Variants in PTK2B observed in about 807,000 individuals in gnomAD.
The protein encoded by PTK2B is protein tyrosine kinase 2 beta.
A neutral mutation model predicts 142.9 loss-of-function variants in PTK2B; 71 were observed. That is an observed-to-expected ratio of 0.50 (90% confidence interval 0.41 to 0.61). The LOEUF (loss-of-function observed/expected upper bound fraction) is 0.61. PTK2B is among the 20% of genes least tolerant of loss of function. The probability of loss-of-function intolerance (pLI) is 0.00; values close to 1 mark genes in which losing one functional copy is unlikely to be tolerated. For missense variants in PTK2B, 1,105 were observed against 1,320.4 expected, an observed-to-expected ratio of 0.84 and a Z score of 2.53; for synonymous variants, 519 against 503.4, an observed-to-expected ratio of 1.03 and a Z score of -0.42.
intron 1 of PTK2B, among the ~76,000 whole-genome samples, chr8:27,377,686 A>G (rs1586191478): frequency 2.6e-5 from 4 of 152,330 alleles, no homozygotes; most frequent in Admixed American, 2.6e-4. Flanking sequence ...TCTCTGTCAC[A>G]TGCACTGCCT....
chr8:27,327,245 T>C (rs1378611357), intron 1 of PTK2B, among the ~76,000 whole-genome samples: 1 of 152,052 alleles, frequency 6.6e-6, no homozygotes, highest in African/African-American at 2.4e-5. Context: ...TGGAGACTGC[T>C]CTAGAAGGCT....
chr8:27,361,136 C>T (rs1170458748), intron 1 of PTK2B, among the ~76,000 whole-genome samples: 1 of 152,158 alleles, frequency 6.6e-6, no homozygotes, highest in African/African-American at 2.4e-5. Context: ...TCCTGAGTCT[C>T]CAATGTCTAT....
upstream of PTK2B, chr8:27,311,281 C>T: frequency 1.4e-6 from 2 of 1,452,394 alleles, no homozygotes; most frequent in Non-Finnish European, 1.8e-6. Context: ...GCTCCGGCCC[C>T]TCCCACCCGC....
chr8:27,404,167 C>T (rs1374526627), intron 2 of PTK2B, among the ~76,000 whole-genome samples: 1 of 152,152 alleles, frequency 6.6e-6, no homozygotes, highest in Admixed American at 6.5e-5. Context: ...GCCCTGCTCT[C>T]TCCTCTCCCT....
intron 4 of PTK2B, among the ~76,000 whole-genome samples, chr8:27,421,703 T>A (rs1415453743): frequency 6.6e-6 from 1 of 152,244 alleles, no homozygotes; most frequent in East Asian, 1.9e-4. Context: ...TATTTCAAGC[T>A]ACTAATAGGA....
rs550128951 is a variant in PTK2B at position 27,436,395 on chromosome 8, G to A, written c.1341+47G>A. 1.7e-5 allele frequency: 27 copies of A among 1,550,354 alleles called. No homozygotes were observed. In the African/African-American group the frequency reaches 2.0e-4, roughly 12 times the overall value. On this transcript the variant is annotated intron_variant, in intron 15 of 30. Transcript: ENST00000346049. Reference sequence around the variant, plus strand: ...TACACTCCTCTTCCACATGTCTGTAGGGTGAGACAGAGCTCGAATCTGAGC... The same window carrying A: ...TACACTCCTCTTCCACATGTCTGTAAGGTGAGACAGAGCTCGAATCTGAGC...
At chr8:27,378,601 C>CTGTGTGTGTG (rs58485965) in intron 1 of PTK2B, among the ~76,000 whole-genome samples, 8 of 148,286 alleles carry the variant, frequency 5.4e-5, no homozygotes, top group South Asian at 2.1e-4. Context: ...TACAGCTTAT[C>CTGTGTGTGTG]TGTGTGTGTG....
chr8:27,317,799 T>G (rs1803126117), intron 3 of PTK2B, among the ~76,000 whole-genome samples: 1 of 152,188 alleles, frequency 6.6e-6, no homozygotes, highest in African/African-American at 2.4e-5. Context: ...TTCGACCTCT[T>G]GTTTAGATCA....
intron 1 of PTK2B, among the ~76,000 whole-genome samples, chr8:27,344,038 A>T (rs1804571921): frequency 1.3e-5 from 2 of 151,978 alleles, no homozygotes; most frequent in South Asian, 4.1e-4. Flanking sequence ...AAAAATAAAA[A>T]TTTTTTCATC....
chr8:27,454,697 G>A, intron 30 of PTK2B, 86 bp downstream of exon 30: 2 of 1,401,374 alleles, frequency 1.4e-6, no homozygotes, highest in East Asian at 2.4e-5. Context: ...TGGCTGCCTG[G>A]GCAACCTCAT....
intron 28 of PTK2B, among the ~76,000 whole-genome samples, chr8:27,453,720 A>G (rs900951058): frequency 6.6e-6 from 1 of 152,004 alleles, no homozygotes; most frequent in African/African-American, 2.4e-5. Flanking sequence ...TCTTTACTAA[A>G]TTTTTTTAAA....
intron 5 of PTK2B, among the ~76,000 whole-genome samples, chr8:27,427,879 G>A (rs1810181243): frequency 6.6e-6 from 1 of 152,192 alleles, no homozygotes; most frequent in African/African-American, 2.4e-5. Context: ...CCAGGGACCA[G>A]TTTCGTGGAA....
intron 1 of PTK2B, among the ~76,000 whole-genome samples, chr8:27,355,827 GC>G (rs750611771): frequency 7.9e-5 from 12 of 152,072 alleles, no homozygotes; most frequent in Non-Finnish European, 1.6e-4. Context: ...TTTGAGACCA[GC>G]CTGGCCAACA....
At chr8:27,447,836 G>A (rs1020017347) in intron 24 of PTK2B, among the ~76,000 whole-genome samples, 2 of 152,130 alleles carry the variant, frequency 1.3e-5, no homozygotes, top group Non-Finnish European at 1.5e-5. Context: ...TCCAACCTGG[G>A]CAACAGAGCA....
intron 1 of PTK2B, among the ~76,000 whole-genome samples, chr8:27,347,203 C>G (rs952316620): frequency 2.7e-5 from 3 of 112,776 alleles, no homozygotes; most frequent in African/African-American, 1.1e-4. Context: ...ATGGTGAAAC[C>G]CCATCTCTAC....
Position 27,381,902 on chromosome 8 carries a change from T to C in PTK2B, c.-37-15646T>C, listed in dbSNP as rs117784058. 4.6e-3 allele frequency among the ~76,000 whole-genome samples: 695 copies of C among 152,358 alleles called. 2 individuals are homozygous for C. Among genetic ancestry groups the C allele is most frequent in the Non-Finnish European group, 7.9e-3 (537 of 68,040 alleles). ...GTAGTTTTGATTCATATTTCCCTTA[T>C]GATTAGTGATATCGAGCATATTTTC... is the stretch of plus-strand genomic sequence containing the variant. On this transcript the variant is annotated intron_variant, in intron 1 of 30. Transcript: ENST00000346049.
chr8:27,342,405 G>A (rs1804459165), intron 1 of PTK2B, among the ~76,000 whole-genome samples: 1 of 151,674 alleles, frequency 6.6e-6, no homozygotes, highest in Non-Finnish European at 1.5e-5. Context: ...TCTCACCTCA[G>A]CCTCCCGAGA....
intron 3 of PTK2B, among the ~76,000 whole-genome samples, chr8:27,319,002 A>G (rs1803150016): frequency 6.6e-6 from 1 of 152,114 alleles, no homozygotes; most frequent in Non-Finnish European, 1.5e-5. Flanking sequence ...AGTGTTTTCC[A>G]TCCTTCCAAA....
At chr8:27,329,654 G>A (rs962921794) in intron 1 of PTK2B, among the ~76,000 whole-genome samples, 3 of 152,118 alleles carry the variant, frequency 2.0e-5, no homozygotes, top group East Asian at 1.9e-4. Context: ...TTGCTGGCTT[G>A]AGGATGAAGA....
Sources: gnomAD v4.1 joint callset for allele counts (sites outside exome capture counted in the v4.1 genomes callset) on GRCh38, gnomAD v4.1.1 for gene constraint, MANE v1.5 for transcripts, NCBI Gene and HGNC (gene_info 2026-07-23, HGNC 2026-07-21) for gene names.